The following CAST variants were observed in gnomAD, a reference collection of about 807,000 sequenced individuals.
CAST encodes the protein MIR583 host.
A neutral mutation model predicts 119.6 loss-of-function variants in CAST; 76 were observed. The ratio of observed to expected loss-of-function variants is 0.64; its 90% confidence interval spans 0.53 to 0.77. The LOEUF is 0.77. Among genes scored for constraint, CAST ranks in the 30% least tolerant of loss-of-function variants. CAST has a pLI of 0.00. For synonymous variants in CAST, 319 were observed against 331.6 expected (o/e 0.96, Z 0.41); for missense variants, 953 against 946.5 (o/e 1.01, Z -0.09).
intron 19 of CAST, among the ~76,000 whole-genome samples, chr5:96,749,839 C>T (rs1764589371): frequency 6.6e-6 from 1 of 152,328 alleles, no homozygotes; most frequent in Admixed American, 6.5e-5. Context: ...AGCCACCACA[C>T]CCAGCCTTGA....
At chr5:96,286,133 A>G in the CAST span, among the ~76,000 whole-genome samples, 1 of 152,210 alleles carries the variant, frequency 6.6e-6, no homozygotes, top group Non-Finnish European at 1.5e-5. Flanking sequence ...CTTGGGCATT[A>G]AGGTGCCAGT....
the CAST span, among the ~76,000 whole-genome samples, chr5:96,351,839 G>A: frequency 2.1e-5 from 3 of 144,864 alleles, no homozygotes; most frequent in Non-Finnish European, 2.9e-5. Context: ...AGAAGAAGGT[G>A]GAGAAATTGG....
At chr5:96,211,021 C>A in the CAST span, among the ~76,000 whole-genome samples, 6 of 151,940 alleles carry the variant, frequency 3.9e-5, no homozygotes, top group South Asian at 1.0e-3. Flanking sequence ...CATTTTCTAT[C>A]CTATGACCTT....
the CAST span, among the ~76,000 whole-genome samples, chr5:96,239,696 T>G: frequency 1.3e-5 from 2 of 152,124 alleles, no homozygotes; most frequent in Non-Finnish European, 2.9e-5. Context: ...ATCTGGAATA[T>G]GAATTATTAA....
chr5:96,765,256 ACTCT>A lies in CAST; in HGVS notation c.1971_1974del (p.Ser658ThrfsTer3). On this transcript the variant is annotated frameshift_variant, in exon 26 of 32. Transcript: ENST00000675179. LOFTEE classifies it high-confidence loss of function. Reference sequence around the variant, plus strand: ...AAGACCTCGATGATGCCTTGGATAAACTCTCTGACAGTCTAGGACAAAGGCAGCC... The same window carrying A: ...AAGACCTCGATGATGCCTTGGATAAACTGACAGTCTAGGACAAAGGCAGCC... 6.2e-7 allele frequency: 1 copy of A among 1,608,860 alleles called. No homozygotes were observed. The highest frequency in any genetic ancestry group is 8.5e-7 in the Non-Finnish European group (1 of 1,176,248).
At chr5:96,515,381 G>A in the CAST span, among the ~76,000 whole-genome samples, 11 of 151,716 alleles carry the variant, frequency 7.3e-5, no homozygotes, top group Non-Finnish European at 1.5e-4. Context: ...GTGATAAATG[G>A]CACAACAGCA....
chr5:96,617,225 T>C (rs1160686041), intron 1 of CAST, among the ~76,000 whole-genome samples: 1 of 151,948 alleles, frequency 6.6e-6, no homozygotes, highest in Non-Finnish European at 1.5e-5. Context: ...ACTCTTGCCC[T>C]ATAAAAGAGC....
the CAST span, among the ~76,000 whole-genome samples, chr5:96,405,941 G>T: frequency 6.6e-6 from 1 of 152,136 alleles, no homozygotes. Flanking sequence ...TTTTAAGATT[G>T]CTTTCTTTTA....
the CAST span, among the ~76,000 whole-genome samples, chr5:96,197,103 C>T: frequency 1.3e-5 from 2 of 152,166 alleles, no homozygotes; most frequent in Non-Finnish European, 2.9e-5. Flanking sequence ...TTTCATTTCT[C>T]CCTGCTGTTA....
the CAST span, among the ~76,000 whole-genome samples, chr5:96,341,055 A>G: frequency 6.6e-6 from 1 of 152,232 alleles, no homozygotes; most frequent in Non-Finnish European, 1.5e-5. Flanking sequence ...TCCTGATCCT[A>G]GGACTAATAA....
At chr5:96,325,601 T>C in the CAST span, among the ~76,000 whole-genome samples, 2 of 152,158 alleles carry the variant, frequency 1.3e-5, no homozygotes, top group Admixed American at 1.3e-4. Flanking sequence ...CACTTCAGCC[T>C]CCCAAGTAGC....
chr5:96,729,769 T>A, intron 8 of CAST, 44 bp downstream of exon 8: 1 of 835,546 alleles, frequency 1.2e-6, no homozygotes, highest in Non-Finnish European at 2.1e-6. Context: ...ATCAACTGGA[T>A]AATAAGATAC....
chr5:96,442,664 A>G, the CAST span, among the ~76,000 whole-genome samples: 1 of 152,244 alleles, frequency 6.6e-6, no homozygotes, highest in Non-Finnish European at 1.5e-5. Flanking sequence ...CTTCCTAAGC[A>G]TCGCTCCTCC....
chr5:96,184,790 A>C, the CAST span, among the ~76,000 whole-genome samples: 1 of 152,104 alleles, frequency 6.6e-6, no homozygotes, highest in African/African-American at 2.4e-5. Context: ...TGCCTTTGCT[A>C]TTGTGAATAG....
At chr5:96,128,018 C>G in the CAST span, among the ~76,000 whole-genome samples, 1 of 151,970 alleles carries the variant, frequency 6.6e-6, no homozygotes, top group Admixed American at 6.6e-5. Context: ...TTTCTATGTC[C>G]TTGAGTTAGG....
chr5:96,464,714 A>G, the CAST span, among the ~76,000 whole-genome samples: 1 of 152,086 alleles, frequency 6.6e-6, no homozygotes, highest in Non-Finnish European at 1.5e-5. Flanking sequence ...AAAATTGTCT[A>G]TTCTTCCAAA....
chr5:96,147,330 C>T, the CAST span, among the ~76,000 whole-genome samples: 16 of 152,276 alleles, frequency 1.1e-4, no homozygotes, highest in Admixed American at 4.6e-4. Flanking sequence ...TGGGGCCGGG[C>T]GCGGTGGCTC....
At chr5:96,503,595 G>A in the CAST span, among the ~76,000 whole-genome samples, 1 of 152,188 alleles carries the variant, frequency 6.6e-6, no homozygotes, top group Non-Finnish European at 1.5e-5. Context: ...CAACCAAAGA[G>A]CACGGCATAA....
chr5:96,154,140 T>C, the CAST span, among the ~76,000 whole-genome samples: 1 of 151,756 alleles, frequency 6.6e-6, no homozygotes, highest in Non-Finnish European at 1.5e-5. Context: ...TAGCCGGGTG[T>C]GGTGGCGGGT....
Sources: gnomAD v4.1 joint callset for allele counts (sites outside exome capture counted in the v4.1 genomes callset) on GRCh38, gnomAD v4.1.1 for gene constraint, MANE v1.5 for transcripts, NCBI Gene and HGNC (gene_info 2026-07-23, HGNC 2026-07-21) for gene names.